Variants in UCHL3 observed in about 807,000 individuals in gnomAD.
The protein encoded by UCHL3 is ubiquitin carboxyl-terminal hydrolase isozyme L3.
UCHL3 carries 22 observed loss-of-function variants against 35.8 expected under a neutral mutation model. The observed-to-expected ratio is 0.61, with a 90% CI of 0.44 to 0.88. The LOEUF is 0.88. UCHL3 is among the 40% of genes least tolerant of loss of function. The pLI is 0.00. For synonymous variants in UCHL3, 90 were observed against 92.8 expected, an observed-to-expected ratio of 0.97 and a Z score of 0.17; for missense variants, 229 against 276.9, an observed-to-expected ratio of 0.83 and a Z score of 1.23.
intron 5 of UCHL3, among the ~76,000 whole-genome samples, chr13:75,567,841 C>A (rs2031733900): frequency 1.3e-5 from 2 of 152,126 alleles, no homozygotes; most frequent in African/African-American, 4.8e-5. Context: ...AGCCACCGTG[C>A]CTGGCCCTGA....
At chr13:75,578,316 T>C (rs2032084035) in intron 6 of UCHL3, among the ~76,000 whole-genome samples, 1 of 152,184 alleles carries the variant, frequency 6.6e-6, no homozygotes, top group Non-Finnish European at 1.5e-5. Flanking sequence ...TATAACTTAA[T>C]TGAATATCCC....
intron 6 of UCHL3, among the ~76,000 whole-genome samples, chr13:75,578,788 G>A (rs2032099122): frequency 6.6e-6 from 1 of 152,010 alleles, no homozygotes; most frequent in African/African-American, 2.4e-5. Context: ...GACCACTGGG[G>A]TAAACAGTGC....
chr13:75,565,783 C>T (rs2138487607), intron 3 of UCHL3, among the ~76,000 whole-genome samples: 1 of 152,300 alleles, frequency 6.6e-6, no homozygotes, highest in South Asian at 2.1e-4. Flanking sequence ...TTCTCCTCCC[C>T]ACCTCACCGA....
At chr13:75,577,871 G>C (rs932874026) in intron 6 of UCHL3, among the ~76,000 whole-genome samples, 8 of 151,568 alleles carry the variant, frequency 5.3e-5, no homozygotes, top group African/African-American at 7.3e-5. Context: ...TTTGTGATTT[G>C]TCCATATTAA....
rs1338167098 is a variant in UCHL3, at chr13:75,569,478, G to A, written c.445G>A (p.Glu149Lys). The change falls in exon 6 of 9, where the codon GAG becomes AAG. Residue 149 changes from glutamate (E) to lysine (K), a missense_variant. Glu to Lys is a moderately conservative substitution (Grantham distance 56). Transcript: ENST00000377595. Reference sequence around the variant, plus strand: ...ATTACAGGCCATCCGAGTTACTCATGAGACCAGTGCCCATGAAGGTCAGAC... The same window carrying A: ...ATTACAGGCCATCCGAGTTACTCATAAGACCAGTGCCCATGAAGGTCAGAC... Reference protein sequence around the residue: ...ENYDAIRVTHETSAHEGQTEA... With the variant: ...ENYDAIRVTHKTSAHEGQTEA... 1.5e-5 allele frequency: 24 copies of A among 1,610,328 alleles called. No homozygotes were observed. Among genetic ancestry groups the A allele is most frequent in the Non-Finnish European group, 2.0e-5 (23 of 1,178,766 alleles).
intron 5 of UCHL3, 172 bp from the exon 6 acceptor site, chr13:75,569,288 T>C: frequency 2.1e-6 from 1 of 480,344 alleles, no homozygotes; most frequent in Non-Finnish European, 3.6e-6. Context: ...CAGCAATTCA[T>C]TTGATTACCC....
At chr13:75,581,155 A>G (rs2032170500) in intron 6 of UCHL3, among the ~76,000 whole-genome samples, 1 of 152,136 alleles carries the variant, frequency 6.6e-6, no homozygotes, top group Admixed American at 6.5e-5. Flanking sequence ...TATTTTAACT[A>G]TCTACCCACT....
chr13:75,588,821 C>T (rs1010006635), intron 6 of UCHL3, among the ~76,000 whole-genome samples: 4 of 152,228 alleles, frequency 2.6e-5, no homozygotes, highest in African/African-American at 4.8e-5. Flanking sequence ...TTTCTTCTCA[C>T]TATGATTGTA....
chr13:75,564,227 T>C (rs2031611175), intron 3 of UCHL3, among the ~76,000 whole-genome samples: 1 of 151,846 alleles, frequency 6.6e-6, no homozygotes, highest in Non-Finnish European at 1.5e-5. Flanking sequence ...CTCGGCTCAC[T>C]GCAAGCTCCG....
intron 6 of UCHL3, among the ~76,000 whole-genome samples, chr13:75,574,121 G>A (rs556393364): frequency 6.6e-6 from 1 of 152,200 alleles, no homozygotes; most frequent in South Asian, 2.1e-4. Context: ...GGGAGGCTGA[G>A]GCAGGAGAAT....
intron 2 of UCHL3, among the ~76,000 whole-genome samples, chr13:75,558,200 G>T (rs1003038809): frequency 2.0e-5 from 3 of 152,082 alleles, no homozygotes; most frequent in African/African-American, 7.2e-5. Flanking sequence ...AAGTTAAAAA[G>T]CATGATTCTG....
upstream of UCHL3, chr13:75,549,765 C>A (rs948910057): frequency 2.1e-6 from 3 of 1,453,902 alleles, no homozygotes; most frequent in Non-Finnish European, 2.7e-6. Flanking sequence ...TGGGCGGAAG[C>A]GGCGGCGGCG....
intron 7 of UCHL3, among the ~76,000 whole-genome samples, chr13:75,597,833 G>A (rs2138581364): frequency 6.6e-6 from 1 of 152,286 alleles, no homozygotes; most frequent in East Asian, 1.9e-4. Flanking sequence ...ACAGAGAATG[G>A]TGGTAGTCTT....
chr13:75,573,968 A>G (rs2031942685), intron 6 of UCHL3, among the ~76,000 whole-genome samples: 1 of 152,182 alleles, frequency 6.6e-6, no homozygotes, highest in African/African-American at 2.4e-5. Context: ...CTGTAATCCC[A>G]GTACTTTGGG....
At chr13:75,583,124 A>T (rs565168301) in intron 6 of UCHL3, among the ~76,000 whole-genome samples, 14 of 152,364 alleles carry the variant, frequency 9.2e-5, no homozygotes, top group Non-Finnish European at 1.2e-4. Context: ...ACATTTTGAC[A>T]TACTTGTTAG....
intron 2 of UCHL3, among the ~76,000 whole-genome samples, chr13:75,551,461 C>A (rs532972117): frequency 6.6e-6 from 1 of 151,226 alleles, no homozygotes; most frequent in South Asian, 2.1e-4. Flanking sequence ...CTTCCTAACT[C>A]ATTTTATGCT....
chr13:75,603,565 G>C (rs567206354), intron 7 of UCHL3, among the ~76,000 whole-genome samples: 52 of 152,126 alleles, frequency 3.4e-4, no homozygotes, highest in African/African-American at 1.2e-3. Context: ...TTATACTTTT[G>C]CCTTTATGTA....
chr13:75,560,857 A>G lies in UCHL3; in HGVS notation c.159A>G (p.Leu53=), dbSNP rs972246272. The part of the protein sequence containing the change: ...SMVPRPVCAV[L]LLFPITEKYE... ...TACCAAGACCAGTCTGTGCAGTCTT[A>G]CTTCTCTTTCCTATTACAGAAAAGG... The change falls in exon 3 of 9, where the codon TTA becomes TTG. Residue 53 remains leucine (L), a synonymous_variant. Coordinates refer to ENST00000377595, the MANE Select transcript of UCHL3 (RefSeq NM_006002.5). The G allele has an allele frequency of 1.6e-5, 24 of 1,529,404 alleles. No individual in the cohort carries two copies. The highest frequency in any genetic ancestry group is 2.0e-5 in the Non-Finnish European group (23 of 1,148,630). The allele number at this position is 1,529,404 out of a possible 1,614,324, so 94.7% of individuals were successfully genotyped here. A position where few individuals can be genotyped will look rare whatever the true frequency, so the allele number is the denominator to read the frequency against.
At position 75,576,944 on chromosome 13, in the gene UCHL3, CAACCACTTAATG is replaced by C. The variant is rs565872470; in HGVS notation, c.474+7440_474+7451del. ...TGGGTTCCTTACTTGTGGATTCAACCAACCACTTAATGAAAATATTTGAGGCTGGGCATGGTA... is the reference window on the plus strand; with the variant it reads ...TGGGTTCCTTACTTGTGGATTCAACCAAAATATTTGAGGCTGGGCATGGTA... On this transcript the variant is annotated intron_variant, in intron 6 of 8. Coordinates refer to ENST00000377595, the MANE Select transcript of UCHL3 (RefSeq NM_006002.5). Among the ~76,000 whole-genome samples the C allele has an allele frequency of 2.3e-3, 345 of 152,210 alleles. 2 individuals are homozygous for C. The highest frequency in any genetic ancestry group is 7.8e-3 in the African/African-American group (324 of 41,520).
Sources: gnomAD v4.1 joint callset for allele counts (sites outside exome capture counted in the v4.1 genomes callset) on GRCh38, gnomAD v4.1.1 for gene constraint, MANE v1.5 for transcripts, NCBI Gene and HGNC (gene_info 2026-07-23, HGNC 2026-07-21) for gene names.